KIAA1549L: variants seen among roughly 807,000 people sequenced by gnomAD.
KIAA1549L encodes UPF0606 protein KIAA1549L.
KIAA1549L carries 88 observed loss-of-function variants against 160.7 expected under a neutral mutation model. That is an observed-to-expected ratio of 0.55 (90% CI 0.46 to 0.65). The LOEUF (loss-of-function observed/expected upper bound fraction) is 0.65, where lower values mean the gene tolerates loss of function less well. KIAA1549L is among the 30% of genes least tolerant of loss of function. The pLI, the probability that KIAA1549L is intolerant of heterozygous loss-of-function variation, is 0.00. For missense variants in KIAA1549L, 2,258 were observed against 2,437.5 expected, an observed-to-expected ratio of 0.93 and a Z score of 1.55; for synonymous variants, 950 against 976.7, an observed-to-expected ratio of 0.97 and a Z score of 0.51.
At chr11:33,640,660 C>A (rs10742298) in intron 16 of KIAA1549L, among the ~76,000 whole-genome samples, 4 of 152,090 alleles carry the variant, frequency 2.6e-5, no homozygotes, top group African/African-American at 9.7e-5. Flanking sequence ...ATGTGCACGA[C>A]GTAAAAATGT....
intron 16 of KIAA1549L, among the ~76,000 whole-genome samples, chr11:33,637,938 T>C (rs1371740052): frequency 6.6e-6 from 1 of 152,172 alleles, no homozygotes; most frequent in East Asian, 1.9e-4. Flanking sequence ...CAGTCCTTTC[T>C]TTTTCTCAAG....
chr11:33,479,141 T>C (rs1852356234), intron 1 of KIAA1549L, among the ~76,000 whole-genome samples: 1 of 152,148 alleles, frequency 6.6e-6, no homozygotes, highest in South Asian at 2.1e-4. Context: ...TTTGTTAGGG[T>C]AGACAAGAGG....
intron 16 of KIAA1549L, among the ~76,000 whole-genome samples, chr11:33,633,223 T>C (rs1414153967): frequency 1.5e-5 from 2 of 134,588 alleles, no homozygotes; most frequent in African/African-American, 5.5e-5. Flanking sequence ...GGTCTTGAAC[T>C]CCTGACCTCA....
At chr11:33,397,755 C>A (rs993990580) in intron 1 of KIAA1549L, among the ~76,000 whole-genome samples, 2 of 127,014 alleles carry the variant, frequency 1.6e-5, no homozygotes, top group Non-Finnish European at 3.4e-5. Context: ...CACACACACA[C>A]AAAAGTGAAA....
intron 1 of KIAA1549L, among the ~76,000 whole-genome samples, chr11:33,504,154 G>C (rs749273712): frequency 6.6e-6 from 1 of 151,998 alleles, no homozygotes; most frequent in Non-Finnish European, 1.5e-5. Context: ...CCAGCTACTC[G>C]GGAGGCTGAG....
At chr11:33,423,015 A>C (rs1384855108) in intron 1 of KIAA1549L, among the ~76,000 whole-genome samples, 2 of 152,206 alleles carry the variant, frequency 1.3e-5, no homozygotes, top group African/African-American at 2.4e-5. Flanking sequence ...TGAGTGATGT[A>C]AATGCGATTG....
intron 1 of KIAA1549L, among the ~76,000 whole-genome samples, chr11:33,516,769 T>C (rs1486155804): frequency 6.6e-6 from 1 of 151,916 alleles, no homozygotes; most frequent in Non-Finnish European, 1.5e-5. Flanking sequence ...ATTGGCAACT[T>C]TTTTTTTAGC....
intron 1 of KIAA1549L, among the ~76,000 whole-genome samples, chr11:33,529,789 A>T (rs375199385): frequency 6.6e-6 from 1 of 152,254 alleles, no homozygotes; most frequent in Non-Finnish European, 1.5e-5. Flanking sequence ...AATAAGGGAG[A>T]TAACTGGCTA....
At position 33,544,402 on chromosome 11, in the gene KIAA1549L, G is replaced by T. The variant is rs1430612136; in HGVS notation, c.2773+66G>T. 2.6e-6 allele frequency: 4 copies of T among 1,516,098 alleles called. No individual in the cohort carries two copies. The East Asian group carries it at 6.8e-5, about 26-fold the overall frequency. The allele number at this position is 1,516,098 out of a possible 1,614,324, so 93.9% of individuals were successfully genotyped here. On this transcript the variant is annotated intron_variant, in intron 2 of 20. Coordinates refer to ENST00000658780, the MANE Select transcript of KIAA1549L (RefSeq NM_012194.3). ...CAAAACAGGCATGACTGCTTTTGTG[G>T]TCAAAGCATCTTCAAGCTCAACGCA...
intron 17 of KIAA1549L, among the ~76,000 whole-genome samples, chr11:33,652,480 C>T (rs1241807347): frequency 2.0e-5 from 3 of 152,204 alleles, no homozygotes; most frequent in Admixed American, 1.3e-4. Flanking sequence ...AGGGAATTCC[C>T]TTGCTGCTTG....
chr11:33,565,623 G>T (rs1043348354), intron 8 of KIAA1549L, among the ~76,000 whole-genome samples: 1 of 151,790 alleles, frequency 6.6e-6, no homozygotes, highest in Non-Finnish European at 1.5e-5. Flanking sequence ...GCAAAGAGTG[G>T]TGACAAAGCT....
intron 1 of KIAA1549L, among the ~76,000 whole-genome samples, chr11:33,482,392 TC>T (rs1329974937): frequency 6.6e-6 from 1 of 152,002 alleles, no homozygotes; most frequent in Admixed American, 6.6e-5. Flanking sequence ...TGTTGTTTTT[TC>T]CCCCCAGTGA....
chr11:33,496,615 G>A (rs897357668), intron 1 of KIAA1549L, among the ~76,000 whole-genome samples: 2 of 152,122 alleles, frequency 1.3e-5, no homozygotes, highest in Non-Finnish European at 2.9e-5. Flanking sequence ...GCAGACCACT[G>A]TAAGGCTTCC....
chr11:33,605,985 C>T (rs374349933), intron 13 of KIAA1549L, among the ~76,000 whole-genome samples: 15 of 152,292 alleles, frequency 9.8e-5, no homozygotes, highest in East Asian at 7.7e-4. Context: ...TTTAACAGAG[C>T]GTAGGTAGAA....
intron 1 of KIAA1549L, among the ~76,000 whole-genome samples, chr11:33,476,937 T>C (rs185914447): frequency 1.3e-5 from 2 of 152,338 alleles, no homozygotes; most frequent in East Asian, 3.9e-4. Context: ...TGTTTGGTTC[T>C]GTATCTCTGG....
intron 4 of KIAA1549L, 85 bp from the exon 5 acceptor site, chr11:33,550,955 C>T (rs1854438825): frequency 3.8e-6 from 4 of 1,063,982 alleles, no homozygotes; most frequent in East Asian, 4.7e-5. Context: ...TTGTTTCTAA[C>T]AGCCGTGGTT....
chr11:33,651,968 A>G (rs921881798), intron 17 of KIAA1549L, among the ~76,000 whole-genome samples: 1 of 137,156 alleles, frequency 7.3e-6, no homozygotes, highest in African/African-American at 2.8e-5. Flanking sequence ...CCATGTTACA[A>G]CCAAACTTCT....
chr11:33,508,234 G>T (rs934822849), intron 1 of KIAA1549L, among the ~76,000 whole-genome samples: 2 of 152,202 alleles, frequency 1.3e-5, no homozygotes, highest in Non-Finnish European at 2.9e-5. Flanking sequence ...GCCTCATCGT[G>T]CTAGAAGGGG....
At chr11:33,414,644 T>TG (rs1850852632) in intron 1 of KIAA1549L, among the ~76,000 whole-genome samples, 1 of 152,216 alleles carries the variant, frequency 6.6e-6, no homozygotes, top group African/African-American at 2.4e-5. Flanking sequence ...ACCCTTGCAA[T>TG]GTTGGGTATT....
Sources: gnomAD v4.1 joint callset for allele counts (sites outside exome capture counted in the v4.1 genomes callset) on GRCh38, gnomAD v4.1.1 for gene constraint, MANE v1.5 for transcripts, NCBI Gene and HGNC (gene_info 2026-07-23, HGNC 2026-07-21) for gene names.